NEBL: variants seen among roughly 807,000 people sequenced by gnomAD.
NEBL encodes the protein nebulette.
In NEBL, 122 loss-of-function variants were observed where a neutral mutation model predicts 140.2. The ratio of observed to expected loss-of-function variants is 0.87; its 90% CI spans 0.75 to 1.01. The LOEUF is 1.01. NEBL is among the 50% of genes least tolerant of loss of function. NEBL has a pLI of 0.00. For synonymous variants in NEBL, 436 were observed against 398.9 expected (o/e 1.09, Z -1.11); for missense variants, 1,365 against 1,231.3 (o/e 1.11, Z -1.62).
At chr10:20,785,947 A>G (rs749704517) in intron 27 of NEBL, 24 bp from the exon 28 acceptor site, 1 of 1,609,530 alleles carries the variant, frequency 6.2e-7, no homozygotes, top group South Asian at 1.1e-5. Context: ...AAGGGATTAT[A>G]CGATGAATGC....
chr10:21,001,009 C>T (rs1346411716), intron 3 of NEBL, among the ~76,000 whole-genome samples: 2 of 152,158 alleles, frequency 1.3e-5, no homozygotes, highest in Admixed American at 6.5e-5. Context: ...GGAATTCGCT[C>T]CTGCACACCC....
chr10:20,802,491 C>G lies in NEBL; in HGVS notation c.2761+6019G>C, dbSNP rs75259436. 2.6e-3 allele frequency among the ~76,000 whole-genome samples: 391 copies of G among 152,152 alleles called. 10 individuals are homozygous for G. The East Asian group carries it at 0.066, about 26-fold the overall frequency. On this transcript the variant is annotated intron_variant, in intron 26 of 27. Coordinates refer to ENST00000377122, the MANE Select transcript of NEBL (RefSeq NM_006393.3). ...ATGTAAAATGCAAACCCTTTGGTAA[C>G]TTAATACATTGAAAAGTAGATTGAC...
intron 3 of NEBL, among the ~76,000 whole-genome samples, chr10:20,984,837 C>T (rs1837191130): frequency 6.6e-6 from 1 of 152,166 alleles, no homozygotes; most frequent in African/African-American, 2.4e-5. Context: ...TATTTACAGC[C>T]ACTCCCCACA....
chr10:20,835,567 G>A lies in NEBL; in HGVS notation c.1395C>T (p.Gly465=). The A allele has an allele frequency of 6.2e-7, 1 of 1,612,676 alleles. No homozygotes were observed. The highest frequency in any genetic ancestry group is 8.5e-7 in the Non-Finnish European group (1 of 1,179,896). The change falls in exon 14 of 28, where the codon GGC becomes GGT. Residue 465 remains glycine, a synonymous_variant. Transcript: ENST00000377122. ...CATGCTGCATTTCAAGGGTGTCAGT[G>A]CCAGCTTGCATTCCTTTCCCTTTAA... ...SIIKGKGMQA[G]TDTLEMQHAK...
At chr10:20,913,597 C>T (rs1299916557) in intron 4 of NEBL, among the ~76,000 whole-genome samples, 1 of 151,920 alleles carries the variant, frequency 6.6e-6, no homozygotes, top group African/African-American at 2.4e-5. Context: ...GTACAAAAAC[C>T]AAGTGTACGA....
At chr10:21,222,297 AAG>A (rs1842081177) in intron 3 of NEBL, among the ~76,000 whole-genome samples, 1 of 152,040 alleles carries the variant, frequency 6.6e-6, no homozygotes, top group Non-Finnish European at 1.5e-5. Context: ...AAAAAAAAAA[AAG>A]GGTAATGATT....
chr10:20,805,848 G>A (rs552683116), intron 26 of NEBL, among the ~76,000 whole-genome samples: 15 of 117,728 alleles, frequency 1.3e-4, no homozygotes, highest in East Asian at 3.0e-4. Context: ...GCGAGACTCC[G>A]TCTCAAAAAA....
chr10:21,110,530 C>CT (rs956647374), intron 2 of NEBL, among the ~76,000 whole-genome samples: 1 of 152,066 alleles, frequency 6.6e-6, no homozygotes, highest in African/African-American at 2.4e-5. Flanking sequence ...TGTTCCCTAT[C>CT]TTTTTTTCTT....
At chr10:21,246,104 G>A (rs993781925) in intron 3 of NEBL, among the ~76,000 whole-genome samples, 1 of 152,204 alleles carries the variant, frequency 6.6e-6, no homozygotes, top group Non-Finnish European at 1.5e-5. Context: ...GTGTGACCTT[G>A]ATGCAGTTAC....
chr10:20,842,543 C>A (rs1841495594), intron 12 of NEBL, among the ~76,000 whole-genome samples: 1 of 152,016 alleles, frequency 6.6e-6, no homozygotes, highest in Non-Finnish European at 1.5e-5. Flanking sequence ...CAAAAGTCCT[C>A]TTTTTCAAAT....
chr10:21,080,625 C>G (rs1836321336), intron 2 of NEBL, among the ~76,000 whole-genome samples: 1 of 152,148 alleles, frequency 6.6e-6, no homozygotes, highest in African/African-American at 2.4e-5. Flanking sequence ...TTATGCAGCT[C>G]TGGTTGCTTT....
chr10:21,215,185 C>T (rs1247056307), intron 3 of NEBL, among the ~76,000 whole-genome samples: 2 of 152,200 alleles, frequency 1.3e-5, no homozygotes, highest in African/African-American at 2.4e-5. Context: ...TGGCACGCAC[C>T]TGCAGTCCCA....
upstream of NEBL, among the ~76,000 whole-genome samples, chr10:20,902,187 A>C (rs1191546054): frequency 5.3e-5 from 8 of 152,150 alleles, no homozygotes; most frequent in South Asian, 8.3e-4. Context: ...GCGGATCATG[A>C]GGTCAGGAGA....
intron 2 of NEBL, among the ~76,000 whole-genome samples, chr10:21,150,428 G>A (rs1315700221): frequency 6.6e-6 from 1 of 152,196 alleles, no homozygotes; most frequent in Admixed American, 6.5e-5. Context: ...AAGCTGAAAT[G>A]ATGGCTGGGA....
intron 2 of NEBL, chr10:21,020,239 T>G (rs768725359): frequency 6.4e-7 from 1 of 1,558,344 alleles, no homozygotes; most frequent in South Asian, 1.1e-5. Context: ...AATTAAAATA[T>G]TGTGCTACAA....
chr10:20,952,825 A>G (rs1835547725), intron 4 of NEBL, among the ~76,000 whole-genome samples: 1 of 148,138 alleles, frequency 6.8e-6, no homozygotes, highest in East Asian at 2.0e-4. Context: ...GAATTACTTG[A>G]ACCCCGGAGG....
rs1256649560 is a variant in NEBL at position 20,783,907 on chromosome 10, C to T, written c.*1840G>A. 3 of 152,508 alleles carry T rather than the reference C, an allele frequency of 2.0e-5. No homozygotes were observed. Among genetic ancestry groups the T allele is most frequent in the Non-Finnish European group, 2.9e-5 (2 of 68,030 alleles). 9.4% of individuals were successfully genotyped at this position (152,508 alleles called of 1,614,324 possible). On this transcript the variant is annotated 3_prime_UTR_variant, in exon 28 of 28. Transcript: ENST00000377122. Reference sequence around the variant, plus strand: ...TTAAAAGAAGTCTCTAGTTATTTGCCTGCATTTATTTTTTCAACTTTATGT... The same window carrying T: ...TTAAAAGAAGTCTCTAGTTATTTGCTTGCATTTATTTTTTCAACTTTATGT...
intron 9 of NEBL, 108 bp downstream of exon 9, chr10:20,858,132 G>T (rs1307464609): frequency 1.2e-6 from 1 of 829,892 alleles, no homozygotes; most frequent in East Asian, 2.5e-5. Flanking sequence ...CGAGGGAGGA[G>T]TGAGGCACAG....
intron 2 of NEBL, among the ~76,000 whole-genome samples, chr10:21,071,116 G>A (rs1277272054): frequency 6.6e-6 from 1 of 151,750 alleles, no homozygotes; most frequent in East Asian, 1.9e-4. Flanking sequence ...AGGCTAAAGT[G>A]AGTCATGATG....
Sources: allele counts gnomAD v4.1 joint callset (sites outside exome capture counted in the v4.1 genomes callset), GRCh38; gene constraint gnomAD v4.1.1; transcripts MANE v1.5; gene names NCBI Gene and HGNC (gene_info 2026-07-23, HGNC 2026-07-21).